AHI1: variants seen among roughly 807,000 people sequenced by gnomAD.
AHI1 encodes jouberin.
Under a neutral mutation model 149.3 loss-of-function variants are expected in AHI1, and 123 were observed. The ratio of observed to expected loss-of-function variants is 0.82; its 90% CI spans 0.71 to 0.96. The LOEUF (loss-of-function observed/expected upper bound fraction) is 0.96. Among genes scored for constraint, AHI1 ranks in the 40% least tolerant of loss-of-function variants. The pLI is 0.00. For missense variants in AHI1, 1,439 were observed against 1,422.7 expected (o/e 1.01, Z -0.18); for synonymous variants, 475 against 459.8 (o/e 1.03, Z -0.42).
intron 25 of AHI1, 80 bp from the exon 26 acceptor site, chr6:135,318,696 A>T (rs762442838): frequency 1.3e-6 from 1 of 774,062 alleles, no homozygotes; most frequent in Non-Finnish European, 2.0e-6. Flanking sequence ...GGTAGGGGCA[A>T]ATATGAAATT....
At chr6:135,302,813 T>C (rs925968840) in intron 26 of AHI1, 62 of 1,288,830 alleles carry the variant, frequency 4.8e-5, no homozygotes, top group Non-Finnish European at 6.1e-5. Context: ...TTTGTTTTAT[T>C]TTACCTTTAA....
At chr6:135,492,482 C>A in intron 3 of AHI1, 191 bp from the exon 4 acceptor site, 3 of 1,204,554 alleles carry the variant, frequency 2.5e-6, no homozygotes, top group Non-Finnish European at 3.1e-6. Flanking sequence ...GCTCTAAAAT[C>A]AAGGGAAACA....
chr6:135,488,641 C>T (rs7749107), intron 5 of AHI1, among the ~76,000 whole-genome samples: 12 of 152,102 alleles, frequency 7.9e-5, no homozygotes, highest in Non-Finnish European at 1.2e-4. Flanking sequence ...ATTTGTAAAA[C>T]TCTTATTATT....
rs1326161745 is a variant in AHI1, at chr6:135,284,116, G to C, written c.*1529C>G. The C allele has an allele frequency of 6.6e-6, 1 of 152,132 alleles. No homozygotes were observed. The highest frequency in any genetic ancestry group is 1.5e-5 in the Non-Finnish European group (1 of 68,020). 9.4% of individuals were successfully genotyped at this position (152,132 alleles called of 1,614,324 possible). Reference sequence around the variant, plus strand: ...CCTGACACACAGACTTATACATCCAGAACAATGAAAACTCAGTGCCATCAG... The same window carrying C: ...CCTGACACACAGACTTATACATCCACAACAATGAAAACTCAGTGCCATCAG... On this transcript the variant is annotated 3_prime_UTR_variant, in exon 29 of 29. Coordinates refer to ENST00000265602, the MANE Select transcript of AHI1 (RefSeq NM_001134831.2).
At chr6:135,441,007 GCTTTCTC>G (rs1786213343) in intron 14 of AHI1, among the ~76,000 whole-genome samples, 1 of 151,866 alleles carries the variant, frequency 6.6e-6, no homozygotes. Context: ...CAGACGCTGG[GCTTTCTC>G]AACAAAGACT....
At chr6:135,300,332 A>G (rs998742979) in intron 27 of AHI1, among the ~76,000 whole-genome samples, 168 bp downstream of exon 27, 7 of 151,316 alleles carry the variant, frequency 4.6e-5, no homozygotes, top group Non-Finnish European at 1.0e-4. Context: ...CTCCAAAAAA[A>G]AAAAAAAAGA....
intron 3 of AHI1, among the ~76,000 whole-genome samples, chr6:135,493,578 A>C (rs1795551474): frequency 6.6e-6 from 1 of 152,158 alleles, no homozygotes; most frequent in African/African-American, 2.4e-5. Flanking sequence ...GTCTATATTA[A>C]ATTAGAAAAG....
intron 23 of AHI1, among the ~76,000 whole-genome samples, chr6:135,372,066 C>T (rs1455272516): frequency 6.6e-6 from 1 of 152,146 alleles, no homozygotes; most frequent in African/African-American, 2.4e-5. Flanking sequence ...GAAATGGTTT[C>T]TGGAAGAACT....
At chr6:135,450,674 G>T (rs977744468) in intron 11 of AHI1, among the ~76,000 whole-genome samples, 2 of 152,124 alleles carry the variant, frequency 1.3e-5, no homozygotes, top group Non-Finnish European at 2.9e-5. Flanking sequence ...ACTTTCCATA[G>T]ATTAATTTAA....
At chr6:135,486,812 G>A (rs376165059) in intron 5 of AHI1, among the ~76,000 whole-genome samples, 15 of 152,066 alleles carry the variant, frequency 9.9e-5, no homozygotes, top group African/African-American at 3.1e-4. Flanking sequence ...CTATCACTCC[G>A]GTTGGAATGC....
intron 13 of AHI1, among the ~76,000 whole-genome samples, chr6:135,443,717 G>C (rs1373376617): frequency 6.6e-6 from 1 of 152,080 alleles, no homozygotes; most frequent in African/African-American, 2.4e-5. Flanking sequence ...CAGCTACTAG[G>C]AATGTGAAAA....
intron 17 of AHI1, among the ~76,000 whole-genome samples, chr6:135,430,414 T>G (rs1310774316): frequency 6.6e-6 from 1 of 151,920 alleles, no homozygotes; most frequent in African/African-American, 2.4e-5. Flanking sequence ...GATAAGAATT[T>G]CTAACAACAG....
chr6:135,475,744 G>A (rs76156981), intron 5 of AHI1, among the ~76,000 whole-genome samples: 2,367 of 152,242 alleles, frequency 0.016, 35 homozygotes, highest in Non-Finnish European at 0.025. Context: ...GCTTGCACCT[G>A]GTTTCTCCTG....
At chr6:135,341,575 C>T (rs1207011011) in intron 24 of AHI1, among the ~76,000 whole-genome samples, 12 of 151,686 alleles carry the variant, frequency 7.9e-5, no homozygotes, top group Non-Finnish European at 1.3e-4. Context: ...ATGTTAGGCC[C>T]CCAAATAAAA....
intron 24 of AHI1, among the ~76,000 whole-genome samples, chr6:135,339,304 G>C (rs766986199): frequency 2.0e-5 from 3 of 152,108 alleles, no homozygotes; most frequent in Non-Finnish European, 4.4e-5. Flanking sequence ...AAGGAAAGAG[G>C]AAAGTATGTC....
At chr6:135,353,253 G>T (rs17064457) in intron 24 of AHI1, among the ~76,000 whole-genome samples, 2,682 of 151,988 alleles carry the variant, frequency 0.018, 76 homozygotes, top group African/African-American at 0.061. Flanking sequence ...TATTGATAAG[G>T]GAAAACAAGT....
At chr6:135,438,759 A>G (rs1229885919) in intron 14 of AHI1, among the ~76,000 whole-genome samples, 5 of 152,136 alleles carry the variant, frequency 3.3e-5, no homozygotes, top group African/African-American at 1.2e-4. Flanking sequence ...GAAATCCCCT[A>G]AGAATCTTTA....
chr6:135,466,251 T>C lies in AHI1; in HGVS notation c.312A>G (p.Thr104=), dbSNP rs369651027. The C allele has an allele frequency of 3.4e-5, 55 of 1,613,890 alleles. No individual in the cohort carries two copies. The highest frequency in any genetic ancestry group is 4.3e-5 in the Non-Finnish European group (51 of 1,179,872). ...CATTAGGATTTTCAGTTGCTAACTG[T>C]GTGTTCCTCAATTTGTTTTTAGTGA... The part of the protein sequence containing the change: ...TRVTKNKLRN[T]QLATENPNGD... Residue 104 remains threonine, a synonymous_variant, in exon 7 of 29, where the codon ACA becomes ACG. Coordinates refer to ENST00000265602, the MANE Select transcript of AHI1 (RefSeq NM_001134831.2).
intron 11 of AHI1, 41 bp downstream of exon 11, chr6:135,453,300 A>G (rs1038257840): frequency 6.9e-7 from 1 of 1,451,432 alleles, no homozygotes. Context: ...ACTAAATTTG[A>G]AGACTAGTTT....
Sources: gnomAD v4.1 joint callset for allele counts (sites outside exome capture counted in the v4.1 genomes callset) on GRCh38, gnomAD v4.1.1 for gene constraint, MANE v1.5 for transcripts, NCBI Gene and HGNC (gene_info 2026-07-23, HGNC 2026-07-21) for gene names.